BDP1: variants seen among roughly 807,000 people sequenced by gnomAD.
BDP1 encodes the protein BDP1 general transcription factor IIIB subunit.
A neutral mutation model predicts 266.6 loss-of-function variants in BDP1; 169 were observed. The observed-to-expected ratio is 0.63, with a 90% CI of 0.56 to 0.72. The LOEUF is 0.72. Ranked by LOEUF, BDP1 falls within the 30% of genes least tolerant of loss-of-function variation. The pLI, the probability that BDP1 is intolerant of heterozygous loss-of-function variation, is 0.00. For missense variants in BDP1, 3,015 were observed against 3,053.8 expected, an observed-to-expected ratio of 0.99 and a Z score of 0.30; for synonymous variants, 1,090 against 1,022.4, an observed-to-expected ratio of 1.07 and a Z score of -1.26.
At chr5:71,457,148 C>G (rs891285411) in intron 1 of BDP1, among the ~76,000 whole-genome samples, 2 of 151,546 alleles carry the variant, frequency 1.3e-5, no homozygotes, top group Admixed American at 6.6e-5. Flanking sequence ...TGTGTGAGTG[C>G]GTGATGGTTG....
At position 71,495,257 on chromosome 5, in the gene BDP1, C is replaced by G. The variant is rs1028006176; in HGVS notation, c.1648C>G (p.Gln550Glu). The G allele has an allele frequency of 1.9e-6, 3 of 1,547,960 alleles. No individual in the cohort carries two copies. The highest frequency in any genetic ancestry group is 2.6e-6 in the Non-Finnish European group (3 of 1,147,382). ...ATATTTTCTTTTTTTTAGTAATCAA[C>G]AAGATGCCACATCAGTAGCAACTGA... ...TDPILSLSNQQDATSVATESS... is the reference protein window; with the variant it reads ...TDPILSLSNQEDATSVATESS... Residue 550 changes from glutamine (Q) to glutamate (E), a missense_variant, in exon 12 of 39, where the codon CAA becomes GAA. Gln to Glu is a conservative substitution (Grantham distance 29). Coordinates refer to ENST00000358731, the MANE Select transcript of BDP1 (RefSeq NM_018429.3).
intron 25 of BDP1, among the ~76,000 whole-genome samples, chr5:71,531,646 C>T (rs1383646224): frequency 6.6e-6 from 1 of 152,096 alleles, no homozygotes; most frequent in African/African-American, 2.4e-5. Context: ...GTAGCTGGGA[C>T]TACAGGCAGG....
intron 7 of BDP1, among the ~76,000 whole-genome samples, chr5:71,482,981 A>G (rs1763047138): frequency 2.6e-5 from 4 of 152,262 alleles, no homozygotes; most frequent in African/African-American, 9.6e-5. Context: ...CACTTGGGTC[A>G]TAAACAATAA....
intron 7 of BDP1, among the ~76,000 whole-genome samples, chr5:71,475,521 G>A (rs773708202): frequency 3.3e-5 from 5 of 152,232 alleles, no homozygotes; most frequent in South Asian, 2.1e-4. Flanking sequence ...CATAAATAAC[G>A]TATTAACTTT....
In BDP1 at chr5:71,506,823, A is replaced by ACACCCC. The variant is rs377599570; in HGVS notation, c.2372+2073_2372+2074insACCCCC. On this transcript the variant is annotated intron_variant, in intron 16 of 38. Transcript: ENST00000358731. ...CACACACACACACACACACACACAC[A>ACACCCC]CCCATATTTTTTTAAAGACAAGGGT... is the stretch of plus-strand genomic sequence containing the variant. 2.8e-4 allele frequency among the ~76,000 whole-genome samples: 39 copies of ACACCCC among 141,804 alleles called. 1 individual carries two copies. Among genetic ancestry groups the ACACCCC allele is most frequent in the Middle Eastern group, 3.6e-3 (1 of 274 alleles). 93.0% of individuals were successfully genotyped at this position (141,804 alleles called of 152,430 possible).
intron 10 of BDP1, 93 bp downstream of exon 10, chr5:71,489,775 A>G: frequency 6.6e-6 from 7 of 1,060,858 alleles, no homozygotes; most frequent in Admixed American, 2.5e-5. Flanking sequence ...TCTAGATAGC[A>G]ATTAATGATG....
intron 22 of BDP1, among the ~76,000 whole-genome samples, chr5:71,519,292 AC>A (rs35633341): frequency 0.3 from 45,630 of 152,040 alleles, 7,908 homozygotes; most frequent in East Asian, 0.5. Flanking sequence ...GATATCCATC[AC>A]TTCATACTTT....
At chr5:71,487,200 TTAGC>T (rs1243389222) in intron 9 of BDP1, among the ~76,000 whole-genome samples, 2 of 152,196 alleles carry the variant, frequency 1.3e-5, no homozygotes, top group Non-Finnish European at 2.9e-5. Flanking sequence ...ACCTTATATG[TTAGC>T]TAGCTTACAT....
intron 35 of BDP1, among the ~76,000 whole-genome samples, chr5:71,556,201 T>C (rs893738031): frequency 1.3e-5 from 2 of 152,182 alleles, no homozygotes; most frequent in Admixed American, 6.5e-5. Flanking sequence ...GTTGGTTCTC[T>C]TGGGTTTTGT....
At chr5:71,530,213 T>TA (rs1766149499) in intron 25 of BDP1, among the ~76,000 whole-genome samples, 1 of 152,066 alleles carries the variant, frequency 6.6e-6, no homozygotes, top group Non-Finnish European at 1.5e-5. Flanking sequence ...TTTTTTTTGT[T>TA]ACATTTATTT....
In BDP1 at chr5:71,566,963, T is replaced by C. The variant is rs1744069221; in HGVS notation, c.*2078T>C. On this transcript the variant is annotated 3_prime_UTR_variant, in exon 39 of 39. Coordinates refer to ENST00000358731, the MANE Select transcript of BDP1 (RefSeq NM_018429.3). Reference sequence around the variant, plus strand: ...AACAGTAATGCTAATTTATTGAAACTACTGCTGTTAGAGCACTTCTTATTC... The same window carrying C: ...AACAGTAATGCTAATTTATTGAAACCACTGCTGTTAGAGCACTTCTTATTC... The C allele has an allele frequency of 6.6e-6, 1 of 152,228 alleles. No homozygotes were observed. 9.4% of individuals were successfully genotyped at this position (152,228 alleles called of 1,614,324 possible). A position where few individuals can be genotyped will look rare whatever the true frequency, so the allele number is the denominator to read the frequency against.
At chr5:71,559,157 A>G (rs9791120) in intron 36 of BDP1, among the ~76,000 whole-genome samples, 61,359 of 152,016 alleles carry the variant, frequency 0.4, 12,911 homozygotes, top group South Asian at 0.47. Flanking sequence ...CTGTCTCAAA[A>G]AAACAAAAAC....
chr5:71,558,613 G>A (rs2112068138), intron 36 of BDP1, among the ~76,000 whole-genome samples: 1 of 151,878 alleles, frequency 6.6e-6, no homozygotes, highest in Middle Eastern at 3.4e-3. Context: ...ATCACCTGAG[G>A]TCAGGAGTTC....
intron 26 of BDP1, among the ~76,000 whole-genome samples, chr5:71,535,358 C>T (rs1489651354): frequency 6.6e-6 from 1 of 152,062 alleles, no homozygotes; most frequent in African/African-American, 2.4e-5. Context: ...GCGCCCGCCA[C>T]CACATCCAAC....
intron 7 of BDP1, among the ~76,000 whole-genome samples, chr5:71,479,318 G>A (rs1037803950): frequency 2.8e-4 from 43 of 151,950 alleles, no homozygotes; most frequent in African/African-American, 9.4e-4. Flanking sequence ...TGGGATTACA[G>A]GTGTGAGCCA....
chr5:71,509,230 C>T lies in BDP1; in HGVS notation c.2373-235C>T, dbSNP rs777658328. On this transcript the variant is annotated intron_variant, in intron 16 of 38. Transcript: ENST00000358731. ...AGACACTGTTAGGATCAAATAGCTT[C>T]TATACTGATTGACCTTACTAGATAT... Among the ~76,000 whole-genome samples, 95 of 152,058 alleles carry T rather than the reference C, an allele frequency of 6.2e-4. 1 individual carries two copies. Among genetic ancestry groups the T allele is most frequent in the Admixed American group, 3.9e-4 (6 of 15,254 alleles).
At chr5:71,556,799 C>G (rs1221991334) in intron 35 of BDP1, 87 bp from the exon 36 acceptor site, 1 of 630,738 alleles carries the variant, frequency 1.6e-6, no homozygotes, top group African/African-American at 2.0e-5. Context: ...AACATAGTTT[C>G]TTTACTTAAA....
intron 38 of BDP1, 70 bp from the exon 39 acceptor site, chr5:71,564,684 A>T: frequency 1.5e-6 from 2 of 1,337,342 alleles, no homozygotes; most frequent in African/African-American, 3.0e-5. Flanking sequence ...ACTGCTATAT[A>T]TACACACACA....
At chr5:71,483,734 G>A in intron 7 of BDP1, 108 bp from the exon 8 acceptor site, 1 of 775,878 alleles carries the variant, frequency 1.3e-6, no homozygotes, top group Non-Finnish European at 2.2e-6. Context: ...ATATTAAGTA[G>A]AGAGCAGTAT....
Sources: allele counts gnomAD v4.1 joint callset (sites outside exome capture counted in the v4.1 genomes callset), GRCh38; gene constraint gnomAD v4.1.1; transcripts MANE v1.5; gene names NCBI Gene and HGNC (gene_info 2026-07-23, HGNC 2026-07-21).